ADCY5: variants seen among roughly 807,000 people sequenced by gnomAD.
The protein encoded by ADCY5 is adenylate cyclase type 5.
A neutral mutation model predicts 119.7 loss-of-function variants in ADCY5; 30 were observed. That is an observed-to-expected ratio of 0.25 (90% CI 0.19 to 0.34). The LOEUF (loss-of-function observed/expected upper bound fraction) is 0.34, where lower values mean the gene tolerates loss of function less well. Ranked by LOEUF, ADCY5 falls within the 10% of genes least tolerant of loss-of-function variation. The pLI is 1.00. For missense variants in ADCY5, 1,324 were observed against 1,775.2 expected, an observed-to-expected ratio of 0.75 and a Z score of 4.57; for synonymous variants, 753 against 762.2, an observed-to-expected ratio of 0.99 and a Z score of 0.20.
At chr3:123,325,735 G>C (rs1941456660) in intron 7 of ADCY5, among the ~76,000 whole-genome samples, 1 of 152,242 alleles carries the variant, frequency 6.6e-6, no homozygotes, top group South Asian at 2.1e-4. Flanking sequence ...AAAGAGCTTG[G>C]GAACATCTGC....
intron 12 of ADCY5, among the ~76,000 whole-genome samples, chr3:123,310,149 C>CACACACAG (rs1031301955): frequency 8.8e-5 from 13 of 147,722 alleles, no homozygotes; most frequent in African/African-American, 2.8e-4. Context: ...CACACACACA[C>CACACACAG]AGCTACGCAG....
At chr3:123,406,250 C>T (rs976067034) in intron 1 of ADCY5, among the ~76,000 whole-genome samples, 1 of 152,260 alleles carries the variant, frequency 6.6e-6, no homozygotes, top group Non-Finnish European at 1.5e-5. Flanking sequence ...CTGACCCCGC[C>T]TCTCTGTTCC....
intron 1 of ADCY5, among the ~76,000 whole-genome samples, chr3:123,413,417 G>A (rs965325970): frequency 1.2e-4 from 18 of 152,190 alleles, no homozygotes; most frequent in African/African-American, 4.1e-4. Flanking sequence ...GCCTGAGCAG[G>A]GAGGGAGATG....
chr3:123,346,136 T>A (rs920563129), intron 3 of ADCY5, among the ~76,000 whole-genome samples: 9 of 152,234 alleles, frequency 5.9e-5, no homozygotes, highest in African/African-American at 2.2e-4. Context: ...TGCGTAGGTG[T>A]GACCTCTCAC....
intron 1 of ADCY5, among the ~76,000 whole-genome samples, chr3:123,396,091 G>GAA (rs1944552770): frequency 1.3e-5 from 1 of 75,694 alleles, no homozygotes; most frequent in Non-Finnish European, 2.5e-5. Context: ...AGGGAAGGAG[G>GAA]GAGGGAAGGA....
chr3:123,351,601 C>T (rs1387654285), intron 2 of ADCY5, among the ~76,000 whole-genome samples: 1 of 152,140 alleles, frequency 6.6e-6, no homozygotes, highest in African/African-American at 2.4e-5. Flanking sequence ...CCCTGCAGAC[C>T]CGCCCACTCT....
chr3:123,399,739 C>T (rs183110439), intron 1 of ADCY5, among the ~76,000 whole-genome samples: 87 of 152,238 alleles, frequency 5.7e-4, no homozygotes, highest in African/African-American at 2.0e-3. Context: ...ACCTTTAGTG[C>T]CCTAATGCTG....
At position 123,291,275 on chromosome 3, in the gene ADCY5, G is replaced by A. The variant is rs752267672; in HGVS notation, c.3165C>T (p.Arg1055=). 6.2e-6 allele frequency: 10 copies of A among 1,613,856 alleles called. No individual in the cohort carries two copies. Among genetic ancestry groups the A allele is most frequent in the Admixed American group, 1.7e-5 (1 of 60,012 alleles). ...AGTAGAGCTCATCATTGCGCCGCTC[G>A]CGGGCCAGGAAGTGAGCGGCCACGT... The part of the protein sequence containing the change: ...PKDVAAHFLA[R]ERRNDELYYQ... The change falls in exon 18 of 21, where the codon CGC becomes CGT. Residue 1055 remains arginine (R), a synonymous_variant. Coordinates refer to ENST00000462833, the MANE Select transcript of ADCY5 (RefSeq NM_183357.3).
chr3:123,301,898 G>A (rs1374933872), intron 14 of ADCY5, among the ~76,000 whole-genome samples: 1 of 151,518 alleles, frequency 6.6e-6, no homozygotes, highest in African/African-American at 2.4e-5. Flanking sequence ...AGGAGACAGA[G>A]CTTGCCACCA....
intron 1 of ADCY5, among the ~76,000 whole-genome samples, chr3:123,437,322 T>A (rs1945636095): frequency 6.6e-6 from 1 of 152,092 alleles, no homozygotes; most frequent in African/African-American, 2.4e-5. Context: ...ACCTACCCTA[T>A]CAGCAGGCCC....
intron 18 of ADCY5, among the ~76,000 whole-genome samples, chr3:123,290,541 G>A (rs926978672): frequency 7.9e-5 from 12 of 152,230 alleles, no homozygotes; most frequent in Non-Finnish European, 1.5e-4. Flanking sequence ...GCCCTACCGG[G>A]CTCTGCATCC....
At chr3:123,344,792 C>T (rs553288110) in intron 3 of ADCY5, among the ~76,000 whole-genome samples, 1 of 152,334 alleles carries the variant, frequency 6.6e-6, no homozygotes, top group East Asian at 1.9e-4. Flanking sequence ...CCAAGGGCTA[C>T]AACCAGTGCT....
chr3:123,388,714 C>T (rs564990447), intron 1 of ADCY5, among the ~76,000 whole-genome samples: 2 of 152,128 alleles, frequency 1.3e-5, no homozygotes, highest in South Asian at 2.1e-4. Context: ...CAAAGAAAGA[C>T]AAGAATGGGA....
intron 11 of ADCY5, among the ~76,000 whole-genome samples, chr3:123,315,688 G>A (rs891779795): frequency 1.3e-5 from 2 of 151,988 alleles, no homozygotes; most frequent in Admixed American, 6.6e-5. Flanking sequence ...TGATTCTCCC[G>A]CCTCAGCTTC....
intron 1 of ADCY5, among the ~76,000 whole-genome samples, chr3:123,408,345 G>GTTTT: frequency 7.1e-6 from 1 of 140,628 alleles, no homozygotes; most frequent in Non-Finnish European, 1.6e-5. Context: ...TACGTTTTTT[G>GTTTT]TTTTTTTTTT....
intron 1 of ADCY5, among the ~76,000 whole-genome samples, chr3:123,415,036 G>A (rs1346360570): frequency 3.3e-5 from 5 of 152,166 alleles, no homozygotes; most frequent in Non-Finnish European, 7.4e-5. Context: ...CTAGAGAGAA[G>A]ATCCTTGGGG....
rs961024987 is a variant in ADCY5 at position 123,289,736 on chromosome 3, G to A, written c.3532+14C>T. The A allele has an allele frequency of 1.9e-6, 3 of 1,612,728 alleles. No homozygotes were observed. Among genetic ancestry groups the A allele is most frequent in the Non-Finnish European group, 2.5e-6 (3 of 1,179,774 alleles). On this transcript the variant is annotated intron_variant, in intron 19 of 20. Transcript: ENST00000462833. ...CTGCACCCTGGGCTCAGCACTCCCT[G>A]GGCCCCCACTCACCGATCTTCATCT...
At chr3:123,305,812 C>T (rs1162465661) in intron 12 of ADCY5, among the ~76,000 whole-genome samples, 1 of 152,208 alleles carries the variant, frequency 6.6e-6, no homozygotes, top group Admixed American at 6.5e-5. Flanking sequence ...ACCCTTCCAG[C>T]AAAGCCATTT....
intron 1 of ADCY5, among the ~76,000 whole-genome samples, chr3:123,356,588 T>C (rs1278786600): frequency 6.6e-6 from 1 of 152,194 alleles, no homozygotes; most frequent in African/African-American, 2.4e-5. Context: ...GAGGCCTAAC[T>C]GCAGAACCTA....
Sources: gnomAD v4.1 joint callset for allele counts (sites outside exome capture counted in the v4.1 genomes callset) on GRCh38, gnomAD v4.1.1 for gene constraint, MANE v1.5 for transcripts, NCBI Gene and HGNC (gene_info 2026-07-23, HGNC 2026-07-21) for gene names.